CFAP47: variants seen among roughly 807,000 people sequenced by gnomAD.
The protein encoded by CFAP47 is cilia and flagella associated protein 47.
A neutral mutation model predicts 148.1 loss-of-function variants in CFAP47; 29 were observed. The ratio of observed to expected loss-of-function variants is 0.20; its 90% CI spans 0.15 to 0.27. CFAP47 has a LOEUF of 0.27. CFAP47 is among the 10% of genes least tolerant of loss of function. The probability of loss-of-function intolerance (pLI) is 1.00; values close to 1 mark genes in which losing one functional copy is unlikely to be tolerated. For synonymous variants in CFAP47, 664 were observed against 577.3 expected, an observed-to-expected ratio of 1.15 and a Z score of -2.15; for missense variants, 1,872 against 1,697.5, an observed-to-expected ratio of 1.10 and a Z score of -1.81.
chrX:36,256,646 CAACA>C (rs1273427055), intron 49 of CFAP47, among the ~76,000 whole-genome samples: 57 of 111,671 alleles, frequency 5.1e-4, no homozygotes, highest in African/African-American at 1.7e-3. Flanking sequence ...GTTTTACAAA[CAACA>C]AACAGGGAGA....
chrX:36,190,684 C>T (rs1470612844), intron 42 of CFAP47, among the ~76,000 whole-genome samples: 1 of 111,582 alleles, frequency 9.0e-6, no homozygotes, highest in Non-Finnish European at 1.9e-5. Context: ...TTCCTTATGT[C>T]TCTGGGATCC....
intron 45 of CFAP47, among the ~76,000 whole-genome samples, chrX:36,205,735 C>G (rs1306547686): frequency 8.9e-6 from 1 of 111,895 alleles, no homozygotes; most frequent in Non-Finnish European, 1.9e-5. Flanking sequence ...ATATTTTTAA[C>G]TATTCAAAAT....
At chrX:36,067,419 G>A (rs1021974165) in intron 27 of CFAP47, among the ~76,000 whole-genome samples, 1 of 111,342 alleles carries the variant, frequency 9.0e-6, no homozygotes, top group African/African-American at 3.3e-5. Flanking sequence ...GGAAACCTGA[G>A]TGCCATCATT....
chrX:35,924,451 G>C (rs904126795), intron 1 of CFAP47, among the ~76,000 whole-genome samples: 23 of 104,284 alleles, frequency 2.2e-4, no homozygotes, highest in Non-Finnish European at 1.4e-4. Context: ...ACACCTATAT[G>C]TGTATATAGG....
rs781983805 is a variant in CFAP47, at chrX:36,361,419, A to G, written c.8941A>G (p.Met2981Val). The G allele has an allele frequency of 9.1e-7, 1 of 1,093,577 alleles. No homozygotes were observed. Among genetic ancestry groups the G allele is most frequent in the African/African-American group, 1.8e-5 (1 of 54,517 alleles). 90.1% of individuals were successfully genotyped at this position (1,093,577 alleles called of 1,213,427 possible). A position where few individuals can be genotyped will look rare whatever the true frequency, so the allele number is the denominator to read the frequency against. The change falls in exon 61 of 64, where the codon ATG (methionine) becomes GTG (valine). Residue 2981 changes from methionine to valine, a missense_variant. Physicochemically the swap from Met to Val is conservative, Grantham distance 21. Transcript: ENST00000378653. ...GTTGGAATCCTGTGTAGCTTTATATATGATTGAAAAATCTTATGATATTAT... is the reference window on the plus strand; with the variant it reads ...GTTGGAATCCTGTGTAGCTTTATATGTGATTGAAAAATCTTATGATATTAT... Reference protein sequence around the residue: ...SKLESCVALYMIEKSYDIMAK... With the variant: ...SKLESCVALYVIEKSYDIMAK...
At chrX:36,165,582 A>G (rs928245303) in intron 39 of CFAP47, among the ~76,000 whole-genome samples, 9 of 111,466 alleles carry the variant, frequency 8.1e-5, no homozygotes, top group African/African-American at 2.0e-4. Flanking sequence ...ATATATTGCT[A>G]TAATTATTAC....
chrX:36,285,229 T>C (rs1340006625), intron 50 of CFAP47, among the ~76,000 whole-genome samples: 4 of 111,709 alleles, frequency 3.6e-5, no homozygotes, highest in African/African-American at 1.3e-4. Flanking sequence ...AAATGTAGCA[T>C]TGTAAATTGT....
intron 21 of CFAP47, among the ~76,000 whole-genome samples, chrX:36,012,644 A>G (rs1031782221): frequency 9.0e-6 from 1 of 110,962 alleles, no homozygotes; most frequent in African/African-American, 3.3e-5. Context: ...GAGGGGGACA[A>G]CACACAGTGG....
At chrX:36,033,143 T>G (rs141607461) in intron 23 of CFAP47, among the ~76,000 whole-genome samples, 1,837 of 112,262 alleles carry the variant, frequency 0.016, 45 homozygotes, top group African/African-American at 0.056. Context: ...ATTTGTGTTT[T>G]CTTAAGTCCC....
chrX:36,131,061 G>C (rs1938939520), intron 33 of CFAP47, among the ~76,000 whole-genome samples: 1 of 110,567 alleles, frequency 9.0e-6, no homozygotes, highest in Non-Finnish European at 1.9e-5. Flanking sequence ...TGTTAAAATG[G>C]TGTTATCAGA....
chrX:36,099,945 A>G (rs1386276977), intron 32 of CFAP47, 66 bp downstream of exon 32: 2 of 574,800 alleles, frequency 3.5e-6, no homozygotes, highest in Admixed American at 2.9e-5. Context: ...TAATTAAAGT[A>G]TAGACAATGC....
At chrX:36,347,634 C>A (rs1305493076) in intron 57 of CFAP47, among the ~76,000 whole-genome samples, 1 of 111,493 alleles carries the variant, frequency 9.0e-6, no homozygotes, top group Non-Finnish European at 1.9e-5. Flanking sequence ...TTTGCAGGGA[C>A]ATGGATGAAG....
At chrX:36,381,013 G>A (rs1556024035) in intron 63 of CFAP47, among the ~76,000 whole-genome samples, 15 of 111,598 alleles carry the variant, frequency 1.3e-4, no homozygotes, top group Non-Finnish European at 2.8e-4. Context: ...GCCATTTTTA[G>A]CCTGAAGTGG....
chrX:36,203,275 C>T (rs1315831572), intron 44 of CFAP47, among the ~76,000 whole-genome samples: 1 of 112,015 alleles, frequency 8.9e-6, no homozygotes, highest in Admixed American at 9.5e-5. Context: ...TTTCAGTACA[C>T]TATTACATTA....
At position 36,065,356 on chromosome X, in the gene CFAP47, C is replaced by G. The variant is rs1307704037; in HGVS notation, c.4218-287C>G. Among the ~76,000 whole-genome samples, 5 of 111,273 alleles carry G rather than the reference C, an allele frequency of 4.5e-5. No individual in the cohort carries two copies. In the Admixed American group the frequency reaches 4.8e-4, roughly 11 times the overall value. ...ATGGAGTAAATTAACTATGAGACAC[C>G]TTCAACTCTAAACTTTCCTGAATCT... On this transcript the variant is annotated intron_variant, in intron 26 of 63. Transcript: ENST00000378653.
intron 26 of CFAP47, among the ~76,000 whole-genome samples, chrX:36,055,104 A>T (rs780087534): frequency 3.9e-5 from 4 of 102,037 alleles, no homozygotes; most frequent in Non-Finnish European, 8.1e-5. Context: ...ATTTTTTCTT[A>T]TTTTTTTTTT....
rs1220411998 is a variant in CFAP47 at position 35,953,674 on chromosome X, A to G, written c.1129A>G (p.Ser377Gly). The G allele has an allele frequency of 8.3e-7, 1 of 1,202,282 alleles. No homozygotes were observed. ...ALFLRFESVG[S>G]KDGFLRDDDY... Reference sequence around the variant, plus strand: ...CTTTTTGAGATTTGAGTCCGTAGGAAGTAAAGATGGATTTTTGAGAGATGA... The same window carrying G: ...CTTTTTGAGATTTGAGTCCGTAGGAGGTAAAGATGGATTTTTGAGAGATGA... The change falls in exon 7 of 64, where the codon AGT becomes GGT. Residue 377 changes from serine to glycine, a missense_variant. By Grantham distance (56) the Ser-to-Gly change is moderately conservative. Coordinates refer to ENST00000378653, the MANE Select transcript of CFAP47 (RefSeq NM_001304548.2).
At chrX:36,123,545 G>A (rs1410369636) in intron 33 of CFAP47, among the ~76,000 whole-genome samples, 1 of 111,549 alleles carries the variant, frequency 9.0e-6, no homozygotes, top group Non-Finnish European at 1.9e-5. Flanking sequence ...CGAAGGCAGA[G>A]GAGCCTTACC....
chrX:36,050,525 G>A (rs758286178), intron 26 of CFAP47, among the ~76,000 whole-genome samples: 2 of 111,539 alleles, frequency 1.8e-5, no homozygotes, highest in Admixed American at 1.9e-4. Flanking sequence ...AGAGATCTGT[G>A]AAACTTTAAA....
Sources: allele counts gnomAD v4.1 joint callset (sites outside exome capture counted in the v4.1 genomes callset), GRCh38; gene constraint gnomAD v4.1.1; transcripts MANE v1.5; gene names NCBI Gene and HGNC (gene_info 2026-07-23, HGNC 2026-07-21).